Variants in FOXP1 observed in about 807,000 individuals in gnomAD.
FOXP1 encodes the protein forkhead box P1, also known as forkhead box protein P1.
FOXP1 carries 15 observed loss-of-function variants against 98.2 expected under a neutral mutation model. That is an observed-to-expected ratio of 0.15 (90% CI 0.10 to 0.24). The LOEUF (loss-of-function observed/expected upper bound fraction) is 0.24, where lower values mean the gene tolerates loss of function less well. Ranked by LOEUF, FOXP1 falls within the 10% of genes least tolerant of loss-of-function variation. The pLI is 1.00. For synonymous variants in FOXP1, 371 were observed against 314.5 expected (o/e 1.18, Z -1.90); for missense variants, 633 against 848.5 (o/e 0.75, Z 3.15).
At chr3:71,457,917 T>C (rs1323150419) in intron 3 of FOXP1, among the ~76,000 whole-genome samples, 8 of 152,338 alleles carry the variant, frequency 5.3e-5, no homozygotes, top group East Asian at 1.9e-4. Flanking sequence ...ACAGGGACTA[T>C]TGTGCTCCAG....
At chr3:71,283,274 C>G (rs1023603407) in intron 5 of FOXP1, among the ~76,000 whole-genome samples, 8 of 152,152 alleles carry the variant, frequency 5.3e-5, no homozygotes, top group African/African-American at 1.9e-4. Flanking sequence ...TCCCAGTGCC[C>G]CCAGTGTACT....
intron 6 of FOXP1, among the ~76,000 whole-genome samples, chr3:71,126,094 G>C (rs2059149981): frequency 1.3e-5 from 2 of 152,190 alleles, no homozygotes; most frequent in Non-Finnish European, 2.9e-5. Context: ...CATGGTAGAA[G>C]ATATGTAAAA....
intron 5 of FOXP1, among the ~76,000 whole-genome samples, chr3:71,205,065 G>A (rs1279202887): frequency 6.6e-6 from 1 of 152,158 alleles, no homozygotes; most frequent in East Asian, 1.9e-4. Flanking sequence ...AGTAATCAAG[G>A]GAATGAGCCG....
At position 71,299,704 on chromosome 3, in the gene FOXP1, G is replaced by A. The variant is rs142514814; in HGVS notation, c.-12+116C>T. 32 of 152,588 alleles carry A rather than the reference G, an allele frequency of 2.1e-4. 1 individual carries two copies. Among genetic ancestry groups the A allele is most frequent in the African/African-American group, 7.7e-4 (32 of 41,542 alleles). 9.5% of individuals were successfully genotyped at this position (152,588 alleles called of 1,614,324 possible). A position where few individuals can be genotyped will look rare whatever the true frequency, so the allele number is the denominator to read the frequency against. On this transcript the variant is annotated intron_variant, in intron 5 of 20. Transcript: ENST00000649528. ...AAATACACCACATATGTCCTTACAC[G>A]CAAATAAATACATGTTTATTTGACA...
At chr3:71,433,231 A>T (rs1388943566) in intron 3 of FOXP1, among the ~76,000 whole-genome samples, 6 of 152,176 alleles carry the variant, frequency 3.9e-5, no homozygotes, top group Non-Finnish European at 8.8e-5. Context: ...ACATACAAGG[A>T]CCCTGAAGAA....
At chr3:71,540,600 C>T (rs2044723491) in intron 2 of FOXP1, among the ~76,000 whole-genome samples, 2 of 152,182 alleles carry the variant, frequency 1.3e-5, no homozygotes, top group Admixed American at 1.3e-4. Flanking sequence ...TCATTAACTT[C>T]TTGGGACAAC....
rs552024866 is a variant in FOXP1 at position 71,437,291 on chromosome 3, T to C, written c.-168+56135A>G. Among the ~76,000 whole-genome samples, 5 of 152,180 alleles carry C rather than the reference T, an allele frequency of 3.3e-5. No homozygotes were observed. The East Asian group carries it at 9.7e-4, about 29-fold the overall frequency. ...GCTTGGTGGTGCACAACTGTTGTCC[T>C]AGTTACTTGAGAAATGAAGGTAGGA... On this transcript the variant is annotated intron_variant, in intron 3 of 20. Coordinates refer to ENST00000649528, the MANE Select transcript of FOXP1 (RefSeq NM_001349338.3).
At chr3:71,331,651 A>C (rs1240209893) in intron 4 of FOXP1, among the ~76,000 whole-genome samples, 1 of 152,174 alleles carries the variant, frequency 6.6e-6, no homozygotes, top group African/African-American at 2.4e-5. Flanking sequence ...CAAGGTTTGT[A>C]AATACACCAA....
chr3:71,381,183 C>A (rs1311479436), intron 3 of FOXP1, among the ~76,000 whole-genome samples: 1 of 142,610 alleles, frequency 7.0e-6, no homozygotes, highest in East Asian at 2.0e-4. Flanking sequence ...TGGAGTCTTG[C>A]TCTGTCGCCC....
intron 4 of FOXP1, among the ~76,000 whole-genome samples, chr3:71,346,764 C>CAT (rs1189160462): frequency 6.6e-6 from 1 of 151,986 alleles, no homozygotes; most frequent in African/African-American, 2.4e-5. Context: ...ATATAATACA[C>CAT]ATATTATTTA....
chr3:71,309,097 G>A (rs1288014869), intron 4 of FOXP1, among the ~76,000 whole-genome samples: 1 of 152,132 alleles, frequency 6.6e-6, no homozygotes, highest in African/African-American at 2.4e-5. Flanking sequence ...AGGGCTTGCT[G>A]TAAGTAATGG....
intron 5 of FOXP1, among the ~76,000 whole-genome samples, chr3:71,291,730 T>TC: frequency 7.2e-6 from 1 of 139,256 alleles, no homozygotes; most frequent in East Asian, 2.0e-4. Context: ...TTTTTTTTTT[T>TC]TGAGATGGAG....
At position 71,011,746 on chromosome 3, in the gene FOXP1, T is replaced by C. The variant is rs1421948524; in HGVS notation, c.974+3803A>G. The stretch of plus-strand genomic sequence containing the variant: ...AACAGTTGCAGGTTGATAGTGGGCA[T>C]TCCAATTCCACTGAGCAAACAGGAA... On this transcript the variant is annotated intron_variant, in intron 12 of 20. Coordinates refer to ENST00000649528, the MANE Select transcript of FOXP1 (RefSeq NM_001349338.3). Among the ~76,000 whole-genome samples, 3 of 152,300 alleles carry C rather than the reference T, an allele frequency of 2.0e-5. No individual in the cohort carries two copies. The East Asian group carries it at 5.8e-4, about 29-fold the overall frequency.
At chr3:71,062,941 C>G (rs926414473) in intron 7 of FOXP1, among the ~76,000 whole-genome samples, 1 of 152,134 alleles carries the variant, frequency 6.6e-6, no homozygotes, top group African/African-American at 2.4e-5. Context: ...TTTTTATTTG[C>G]ATCTTCTTAA....
intron 6 of FOXP1, among the ~76,000 whole-genome samples, chr3:71,119,582 C>G (rs974824646): frequency 4.6e-5 from 7 of 152,178 alleles, no homozygotes; most frequent in Non-Finnish European, 1.0e-4. Context: ...TCATCCTCTA[C>G]ATACTCTTTG....
intron 12 of FOXP1, among the ~76,000 whole-genome samples, chr3:71,012,148 CTA>C: frequency 6.6e-6 from 1 of 152,188 alleles, no homozygotes; most frequent in African/African-American, 2.4e-5. Flanking sequence ...TTTTATAGTT[CTA>C]GAGACTTTAT....
At chr3:71,112,491 T>A (rs1193735786) in intron 7 of FOXP1, 45 bp downstream of exon 7, 1 of 1,429,252 alleles carries the variant, frequency 7.0e-7, no homozygotes, top group Non-Finnish European at 9.9e-7. Flanking sequence ...TTGTCACTTA[T>A]CCCAAAGGGT....
At chr3:71,325,502 T>C (rs1234869200) in intron 4 of FOXP1, among the ~76,000 whole-genome samples, 2 of 152,004 alleles carry the variant, frequency 1.3e-5, no homozygotes, top group Admixed American at 1.3e-4. Context: ...CCATAAAACA[T>C]GGATTAAAAG....
intron 2 of FOXP1, among the ~76,000 whole-genome samples, chr3:71,554,919 T>C (rs910331213): frequency 3.3e-5 from 5 of 152,042 alleles, no homozygotes; most frequent in Non-Finnish European, 7.4e-5. Context: ...TCCCCAAGAG[T>C]AGATAGTAAA....
Sources: allele counts gnomAD v4.1 joint callset (sites outside exome capture counted in the v4.1 genomes callset), GRCh38; gene constraint gnomAD v4.1.1; transcripts MANE v1.5; gene names NCBI Gene and HGNC (gene_info 2026-07-23, HGNC 2026-07-21).